CASP9: variants seen among roughly 807,000 people sequenced by gnomAD.
The protein encoded by CASP9 is caspase 9.
Under a neutral mutation model 43.5 loss-of-function variants are expected in CASP9, and 29 were observed. The ratio of observed to expected loss-of-function variants is 0.67; its 90% confidence interval spans 0.50 to 0.91. The LOEUF (loss-of-function observed/expected upper bound fraction) is 0.91, where lower values mean the gene tolerates loss of function less well. CASP9 is among the 40% of genes least tolerant of loss of function. The pLI is 0.00. For synonymous variants in CASP9, 206 were observed against 211.9 expected (o/e 0.97, Z 0.24); for missense variants, 575 against 537.4 (o/e 1.07, Z -0.69).
intron 6 of CASP9, among the ~76,000 whole-genome samples, chr1:15,499,552 A>G (rs1252062703): frequency 6.6e-6 from 1 of 152,256 alleles, no homozygotes; most frequent in Admixed American, 6.5e-5. Flanking sequence ...CTAATCCAGT[A>G]ATTTCCTAAG....
At chr1:15,505,958 G>A in intron 5 of CASP9, 32 bp downstream of exon 5, 1 of 1,546,364 alleles carries the variant, frequency 6.5e-7, no homozygotes, top group Non-Finnish European at 8.9e-7. Context: ...AGTACCCAAT[G>A]CCTGCCCAGG....
At chr1:15,499,461 T>C (rs966269032) in intron 6 of CASP9, among the ~76,000 whole-genome samples, 3 of 152,190 alleles carry the variant, frequency 2.0e-5, no homozygotes, top group African/African-American at 7.2e-5. Flanking sequence ...AATCCTTTTC[T>C]AGAATCAAAG....
At chr1:15,510,970 A>G (rs1248779755) in intron 2 of CASP9, among the ~76,000 whole-genome samples, 2 of 152,160 alleles carry the variant, frequency 1.3e-5, no homozygotes, top group Admixed American at 1.3e-4. Context: ...TGCTGGAATC[A>G]CCCCAGAAGT....
In CASP9 at chr1:15,492,664, C is replaced by T. The variant is rs1478110171; in HGVS notation, c.*279G>A. Reference sequence around the variant, plus strand: ...GTTAATCCCTGCTCTAGAGACAACACAGGGATCATGGGACACAAGTCACTA... The same window carrying T: ...GTTAATCCCTGCTCTAGAGACAACATAGGGATCATGGGACACAAGTCACTA... On this transcript the variant is annotated 3_prime_UTR_variant, in exon 9 of 9. Coordinates refer to ENST00000333868, the MANE Select transcript of CASP9 (RefSeq NM_001229.5). 13 of 491,630 alleles carry T rather than the reference C, an allele frequency of 2.6e-5. No individual in the cohort carries two copies. In the South Asian group the frequency reaches 3.3e-4, roughly 13 times the overall value. 30.5% of individuals were successfully genotyped at this position (491,630 alleles called of 1,614,324 possible).
upstream of CASP9, chr1:15,524,583 CT>C: frequency 9.9e-7 from 1 of 1,011,076 alleles, no homozygotes; most frequent in South Asian, 2.5e-5. Context: ...CCGCACTGAC[CT>C]CACGTCACCG....
At chr1:15,521,987 C>T (rs959313723) in intron 1 of CASP9, among the ~76,000 whole-genome samples, 1 of 152,196 alleles carries the variant, frequency 6.6e-6, no homozygotes, top group Non-Finnish European at 1.5e-5. Flanking sequence ...AGGTAAGTCT[C>T]ACTAGCAGAA....
At chr1:15,500,186 A>T (rs1358554326) in intron 6 of CASP9, among the ~76,000 whole-genome samples, 10 of 152,144 alleles carry the variant, frequency 6.6e-5, no homozygotes, top group South Asian at 2.1e-4. Context: ...AAATTTTTTT[A>T]AAAATAGGCT....
chr1:15,498,052 G>A (rs1268445296), intron 6 of CASP9, among the ~76,000 whole-genome samples: 1 of 152,072 alleles, frequency 6.6e-6, no homozygotes, highest in African/African-American at 2.4e-5. Context: ...AGAGGGCAGT[G>A]GTTTTTTGTT....
chr1:15,520,682 G>A lies in CASP9; in HGVS notation c.133-2287C>T, dbSNP rs550063119. ...CGAAGGGGAGTCTCCTGCCAGGCGCGGTGGCTCACGCCTGTAATCCCAGCA... is the reference window on the plus strand; with the variant it reads ...CGAAGGGGAGTCTCCTGCCAGGCGCAGTGGCTCACGCCTGTAATCCCAGCA... On this transcript the variant is annotated intron_variant, in intron 1 of 8. Coordinates refer to ENST00000333868, the MANE Select transcript of CASP9 (RefSeq NM_001229.5). Among the ~76,000 whole-genome samples, 29 of 152,320 alleles carry A rather than the reference G, an allele frequency of 1.9e-4. No homozygotes were observed. The South Asian group carries it at 4.8e-3, about 25-fold the overall frequency.
chr1:15,493,110 G>A, intron 8 of CASP9, 75 bp from the exon 9 acceptor site: 16 of 1,597,740 alleles, frequency 1.0e-5, no homozygotes, highest in Non-Finnish European at 1.4e-5. Flanking sequence ...AGGGGCTGGG[G>A]GGAATGTCCA....
At chr1:15,503,857 G>A (rs924075720) in intron 6 of CASP9, among the ~76,000 whole-genome samples, 3 of 152,144 alleles carry the variant, frequency 2.0e-5, no homozygotes, top group African/African-American at 4.8e-5. Context: ...AATTTCTAGC[G>A]CTCCCTGATA....
upstream of CASP9, chr1:15,524,256 G>GCCCGCCCCAGTCCCCAGGA: frequency 6.6e-7 from 1 of 1,519,374 alleles, no homozygotes; most frequent in African/African-American, 1.4e-5. Flanking sequence ...GGCCTCGGCC[G>GCCCGCCCCAGTCCCCAGGA]CCCGCCCCAG....
rs568628941 is a variant in CASP9 at position 15,510,524 on chromosome 1, A to G, written c.419-2617T>C. Among the ~76,000 whole-genome samples, 89 of 152,284 alleles carry G rather than the reference A, an allele frequency of 5.8e-4. 1 individual carries two copies. The highest frequency in any genetic ancestry group is 2.1e-3 in the African/African-American group (87 of 41,550). On this transcript the variant is annotated intron_variant, in intron 2 of 8. Transcript: ENST00000333868. The stretch of plus-strand genomic sequence containing the variant: ...CCCAAAAATATAACTACTATCCACT[A>G]CTGAGGAATTCACTCATTCCCCAAA...
intron 1 of CASP9, among the ~76,000 whole-genome samples, chr1:15,520,590 G>C (rs1281374565): frequency 6.6e-6 from 1 of 152,254 alleles, no homozygotes; most frequent in Non-Finnish European, 1.5e-5. Flanking sequence ...CATAAGGGCC[G>C]CTTGAGGGCT....
upstream of CASP9, chr1:15,524,421 C>T: frequency 7.8e-7 from 1 of 1,279,944 alleles, no homozygotes; most frequent in South Asian, 1.8e-5. Flanking sequence ...CGCACCTCTG[C>T]GCCTCGCCCC....
intron 2 of CASP9, among the ~76,000 whole-genome samples, chr1:15,514,285 AACACTGACCT>A (rs1483890523): frequency 6.6e-6 from 1 of 152,180 alleles, no homozygotes; most frequent in Non-Finnish European, 1.5e-5. Flanking sequence ...CCCAGTGTGA[AACACTGACCT>A]ACAGCATCCT....
chr1:15,523,398 G>T (rs1557558335), intron 1 of CASP9, among the ~76,000 whole-genome samples: 1 of 152,232 alleles, frequency 6.6e-6, no homozygotes, highest in African/African-American at 2.4e-5. Flanking sequence ...CTGCCAGGCA[G>T]CCTGATGCCA....
At chr1:15,523,864 C>G (rs1257960320) in intron 1 of CASP9, among the ~76,000 whole-genome samples, 1 of 150,158 alleles carries the variant, frequency 6.7e-6, no homozygotes, top group Admixed American at 6.6e-5. Flanking sequence ...TTCCTTTACA[C>G]AAGAAACACA....
chr1:15,506,513 C>G (rs562098936), intron 4 of CASP9, among the ~76,000 whole-genome samples: 2 of 152,090 alleles, frequency 1.3e-5, no homozygotes, highest in South Asian at 4.2e-4. Flanking sequence ...CTGGGCAGAG[C>G]ACTTTCTCGG....
Sources: allele counts gnomAD v4.1 joint callset (sites outside exome capture counted in the v4.1 genomes callset), GRCh38; gene constraint gnomAD v4.1.1; transcripts MANE v1.5; gene names NCBI Gene and HGNC (gene_info 2026-07-23, HGNC 2026-07-21).